The following EPHB1 variants were observed in gnomAD, a reference collection of about 807,000 sequenced individuals.
The protein encoded by EPHB1 is EPH receptor B1.
A neutral mutation model predicts 94.4 loss-of-function variants in EPHB1; 30 were observed. The ratio of observed to expected loss-of-function variants is 0.32; its 90% CI spans 0.24 to 0.43. The LOEUF (loss-of-function observed/expected upper bound fraction) is 0.43. EPHB1 is among the 20% of genes least tolerant of loss of function. EPHB1 has a pLI of 1.00. For missense variants in EPHB1, 1,055 were observed against 1,308.3 expected (o/e 0.81, Z 2.99); for synonymous variants, 522 against 489.1 (o/e 1.07, Z -0.89).
At chr3:135,169,906 C>T (rs1023185374) in intron 9 of EPHB1, among the ~76,000 whole-genome samples, 1 of 152,232 alleles carries the variant, frequency 6.6e-6, no homozygotes, top group African/African-American at 2.4e-5. Flanking sequence ...AGCTCCAGGA[C>T]TAATCCCAGC....
intron 3 of EPHB1, among the ~76,000 whole-genome samples, chr3:135,030,095 C>T (rs994901604): frequency 6.6e-6 from 1 of 151,416 alleles, no homozygotes; most frequent in African/African-American, 2.4e-5. Flanking sequence ...AAGCACTTCT[C>T]TGTATTGGTT....
intron 10 of EPHB1, 135 bp downstream of exon 10, chr3:135,180,117 A>G: frequency 1.9e-6 from 2 of 1,035,258 alleles, no homozygotes; most frequent in Non-Finnish European, 1.4e-6. Context: ...TCAGAAGATG[A>G]GTCTGAACTA....
intron 15 of EPHB1, among the ~76,000 whole-genome samples, chr3:135,252,040 AAAT>A (rs1228517391): frequency 1.3e-5 from 2 of 152,070 alleles, no homozygotes; most frequent in African/African-American, 2.4e-5. Context: ...AAATTATTAT[AAAT>A]AATAATGCCC....
chr3:135,115,313 G>C (rs1195091032), intron 4 of EPHB1, among the ~76,000 whole-genome samples: 1 of 152,186 alleles, frequency 6.6e-6, no homozygotes, highest in Non-Finnish European at 1.5e-5. Context: ...AACTGGCCTG[G>C]AATGGATGCC....
rs1217448443 is a variant in EPHB1 at position 134,985,037 on chromosome 3, T to C, written c.805+32985T>C. On this transcript the variant is annotated intron_variant, in intron 3 of 15. Transcript: ENST00000398015. ...CCCTGATGTAAGGTTTTCCGTTGAGTACTTTTTATTGCACAATGGAACTTG... is the reference window on the plus strand; with the variant it reads ...CCCTGATGTAAGGTTTTCCGTTGAGCACTTTTTATTGCACAATGGAACTTG... 2.0e-5 allele frequency among the ~76,000 whole-genome samples: 3 copies of C among 152,038 alleles called. No homozygotes were observed. The East Asian group carries it at 5.8e-4, about 29-fold the overall frequency.
At chr3:135,128,874 AC>A (rs1397319908) in intron 4 of EPHB1, among the ~76,000 whole-genome samples, 3 of 152,084 alleles carry the variant, frequency 2.0e-5, no homozygotes, top group African/African-American at 7.2e-5. Flanking sequence ...ACAAATATGC[AC>A]TGGCACTTGC....
At chr3:135,099,862 G>C (rs1288716771) in intron 3 of EPHB1, among the ~76,000 whole-genome samples, 25 of 152,298 alleles carry the variant, frequency 1.6e-4, no homozygotes, top group Admixed American at 1.6e-3. Flanking sequence ...GATAAAGGAA[G>C]GGGAGGTTGT....
At chr3:134,860,737 C>G (rs1276327136) in intron 1 of EPHB1, among the ~76,000 whole-genome samples, 1 of 137,680 alleles carries the variant, frequency 7.3e-6, no homozygotes, top group Non-Finnish European at 1.5e-5. Context: ...TGCTTGAACC[C>G]AATAGGCAGA....
chr3:134,915,919 G>T (rs571801543), intron 1 of EPHB1, among the ~76,000 whole-genome samples: 42 of 152,304 alleles, frequency 2.8e-4, no homozygotes, highest in Non-Finnish European at 5.1e-4. Context: ...CGAATGGGTT[G>T]CCACTGCTGG....
At chr3:134,956,985 C>T (rs1933303305) in intron 3 of EPHB1, among the ~76,000 whole-genome samples, 1 of 152,160 alleles carries the variant, frequency 6.6e-6, no homozygotes, top group South Asian at 2.1e-4. Flanking sequence ...TGTTCCTCAA[C>T]TGATCAAAGG....
chr3:135,181,648 T>C (rs550081275), intron 10 of EPHB1, among the ~76,000 whole-genome samples: 1 of 152,312 alleles, frequency 6.6e-6, no homozygotes, highest in South Asian at 2.1e-4. Context: ...TGGACTGTAT[T>C]TCATCCCAGA....
intron 3 of EPHB1, among the ~76,000 whole-genome samples, chr3:135,047,925 C>T (rs1028553229): frequency 3.9e-5 from 6 of 152,094 alleles, no homozygotes; most frequent in Non-Finnish European, 8.8e-5. Context: ...TTATGTGACC[C>T]CAAATGTCAA....
intron 11 of EPHB1, among the ~76,000 whole-genome samples, chr3:135,200,339 T>C (rs968546518): frequency 1.3e-5 from 2 of 152,040 alleles, no homozygotes; most frequent in African/African-American, 2.4e-5. Context: ...CCACAAATGA[T>C]AGGAGAGAGG....
intron 1 of EPHB1, among the ~76,000 whole-genome samples, chr3:134,825,794 T>G (rs1262524998): frequency 6.6e-6 from 1 of 152,202 alleles, no homozygotes; most frequent in Non-Finnish European, 1.5e-5. Flanking sequence ...ATGGCATCCT[T>G]TCACGATCCT....
At chr3:135,173,965 T>C (rs146482896) in intron 9 of EPHB1, among the ~76,000 whole-genome samples, 1 of 152,236 alleles carries the variant, frequency 6.6e-6, no homozygotes, top group Non-Finnish European at 1.5e-5. Flanking sequence ...ATCTGACTGC[T>C]CATCAACTGC....
chr3:134,825,281 A>C (rs2036456349), intron 1 of EPHB1, among the ~76,000 whole-genome samples: 1 of 152,238 alleles, frequency 6.6e-6, no homozygotes, highest in African/African-American at 2.4e-5. Flanking sequence ...GAAGCTTGGC[A>C]GTTGGTCTTC....
chr3:134,928,401 C>G (rs1407876689), intron 2 of EPHB1, among the ~76,000 whole-genome samples: 2 of 152,192 alleles, frequency 1.3e-5, no homozygotes, highest in East Asian at 1.9e-4. Flanking sequence ...TTCTAGCCCC[C>G]CTTCAGCCAT....
intron 3 of EPHB1, among the ~76,000 whole-genome samples, chr3:135,031,295 C>G (rs1032291126): frequency 8.5e-5 from 13 of 152,112 alleles, no homozygotes; most frequent in African/African-American, 2.9e-4. Flanking sequence ...CCTTCTCTCT[C>G]TCTCTTTCTC....
chr3:134,884,465 C>A (rs2037822476), intron 1 of EPHB1, among the ~76,000 whole-genome samples: 1 of 152,232 alleles, frequency 6.6e-6, no homozygotes, highest in South Asian at 2.1e-4. Context: ...TGCTCAGATG[C>A]CATTCCTGGG....
Sources: allele counts gnomAD v4.1 joint callset (sites outside exome capture counted in the v4.1 genomes callset), GRCh38; gene constraint gnomAD v4.1.1; transcripts MANE v1.5; gene names NCBI Gene and HGNC (gene_info 2026-07-23, HGNC 2026-07-21).